Variants in PTPRM observed in about 807,000 individuals in gnomAD.
PTPRM encodes the protein protein tyrosine phosphatase receptor type M.
Under a neutral mutation model 186.7 loss-of-function variants are expected in PTPRM, and 47 were observed. The ratio of observed to expected loss-of-function variants is 0.25; its 90% CI spans 0.20 to 0.32. The LOEUF is 0.32. PTPRM is among the 10% of genes least tolerant of loss of function. The probability of loss-of-function intolerance (pLI) is 1.00; values close to 1 mark genes in which losing one functional copy is unlikely to be tolerated. For synonymous variants in PTPRM, 668 were observed against 674.9 expected (o/e 0.99, Z 0.16); for missense variants, 1,494 against 1,865.0 (o/e 0.80, Z 3.66).
At chr18:7,621,102 A>G (rs922144281) in intron 1 of PTPRM, among the ~76,000 whole-genome samples, 1 of 152,216 alleles carries the variant, frequency 6.6e-6, no homozygotes, top group African/African-American at 2.4e-5. Context: ...ATGCTGCAAT[A>G]TTCTAAGGCC....
intron 14 of PTPRM, among the ~76,000 whole-genome samples, chr18:8,212,449 A>G (rs547585226): frequency 6.6e-6 from 1 of 152,070 alleles, no homozygotes; most frequent in Admixed American, 6.5e-5. Flanking sequence ...GTGTGTGTAT[A>G]CACACACACA....
At chr18:7,948,134 C>T (rs1229131526) in intron 5 of PTPRM, among the ~76,000 whole-genome samples, 2 of 45,390 alleles carry the variant, frequency 4.4e-5, no homozygotes, top group Non-Finnish European at 5.8e-5. Flanking sequence ...ATAAAATACA[C>T]ACACACACAC....
At chr18:7,580,138 C>T (rs2036805132) in intron 1 of PTPRM, among the ~76,000 whole-genome samples, 1 of 152,184 alleles carries the variant, frequency 6.6e-6, no homozygotes. Flanking sequence ...AAGGATCTCT[C>T]CAATATCTTA....
At chr18:8,320,186 C>T (rs1028920375) in intron 22 of PTPRM, among the ~76,000 whole-genome samples, 1 of 152,174 alleles carries the variant, frequency 6.6e-6, no homozygotes, top group Non-Finnish European at 1.5e-5. Flanking sequence ...AGGATGTGAT[C>T]TGCCAAAGGT....
chr18:7,680,038 T>C (rs377271181), intron 1 of PTPRM, among the ~76,000 whole-genome samples: 5 of 152,016 alleles, frequency 3.3e-5, no homozygotes, highest in Admixed American at 2.0e-4. Context: ...GCTAATGTTT[T>C]TGGATTTTGT....
intron 4 of PTPRM, among the ~76,000 whole-genome samples, chr18:7,918,413 A>G (rs1031079783): frequency 1.3e-5 from 2 of 152,114 alleles, no homozygotes; most frequent in Non-Finnish European, 2.9e-5. Context: ...ACTCCCTGTC[A>G]TTTTGATAAA....
At chr18:7,688,359 A>G (rs2039655923) in intron 1 of PTPRM, among the ~76,000 whole-genome samples, 2 of 152,192 alleles carry the variant, frequency 1.3e-5, no homozygotes, top group Admixed American at 1.3e-4. Flanking sequence ...AACCTCTGCT[A>G]GAAGAAAGGA....
At chr18:8,310,969 A>T (rs965367769) in intron 20 of PTPRM, among the ~76,000 whole-genome samples, 2 of 152,218 alleles carry the variant, frequency 1.3e-5, no homozygotes, top group African/African-American at 4.8e-5. Context: ...TTTCTAGAAG[A>T]TGAAATAGCT....
intron 19 of PTPRM, among the ~76,000 whole-genome samples, chr18:8,258,536 C>A (rs1004242336): frequency 6.6e-6 from 1 of 152,072 alleles, no homozygotes; most frequent in Non-Finnish European, 1.5e-5. Context: ...CTTTTGCAGT[C>A]CCCAAAGGAC....
chr18:8,190,957 A>G (rs964192032), intron 14 of PTPRM, among the ~76,000 whole-genome samples: 4 of 152,218 alleles, frequency 2.6e-5, no homozygotes, highest in South Asian at 4.1e-4. Flanking sequence ...AGACTTGCAT[A>G]GGAAAGATTA....
At chr18:7,616,493 G>A (rs145107231) in intron 1 of PTPRM, among the ~76,000 whole-genome samples, 1 of 152,208 alleles carries the variant, frequency 6.6e-6, no homozygotes, top group East Asian at 1.9e-4. Flanking sequence ...CCTGACCAGG[G>A]GAGCAGCCCA....
At chr18:7,587,759 C>A (rs1462798202) in intron 1 of PTPRM, among the ~76,000 whole-genome samples, 1 of 152,130 alleles carries the variant, frequency 6.6e-6, no homozygotes, top group Non-Finnish European at 1.5e-5. Context: ...CCCAAACCCA[C>A]ATATGTATAG....
At chr18:8,275,835 A>G (rs77743267) in intron 19 of PTPRM, among the ~76,000 whole-genome samples, 1,818 of 152,198 alleles carry the variant, frequency 0.012, 31 homozygotes, top group South Asian at 0.04. Context: ...TCATTATACC[A>G]CCAGACTTTG....
At chr18:7,964,206 G>A (rs1033988092) in intron 7 of PTPRM, among the ~76,000 whole-genome samples, 6 of 152,176 alleles carry the variant, frequency 3.9e-5, no homozygotes, top group East Asian at 1.9e-4. Flanking sequence ...ATACGTATGT[G>A]TTTTAAAAGG....
At chr18:7,723,595 G>A (rs1042935801) in intron 1 of PTPRM, among the ~76,000 whole-genome samples, 5 of 152,012 alleles carry the variant, frequency 3.3e-5, no homozygotes, top group African/African-American at 9.7e-5. Context: ...GTGAATTTTC[G>A]TGCTAGAACC....
chr18:8,338,152 C>T lies in PTPRM; in HGVS notation c.2957-5271C>T, dbSNP rs115791453. Among the ~76,000 whole-genome samples the T allele has an allele frequency of 8.9e-3, 1,347 of 151,838 alleles. 6 individuals are homozygous for T. Among genetic ancestry groups the T allele is most frequent in the African/African-American group, 0.014 (585 of 41,352 alleles). On this transcript the variant is annotated intron_variant, in intron 22 of 32. Transcript: ENST00000580170. ...AGTAGTCCTACCGGGTAAGCACAGA[C>T]GCTTGGGGGCTGGCTGTGCTTGTGA...
chr18:8,367,340 G>T (rs1351408975), intron 23 of PTPRM, among the ~76,000 whole-genome samples: 1 of 152,250 alleles, frequency 6.6e-6, no homozygotes, highest in East Asian at 1.9e-4. Flanking sequence ...GCTCGGGAGG[G>T]GCCTTGCCCA....
intron 7 of PTPRM, among the ~76,000 whole-genome samples, chr18:8,058,834 A>C (rs1360926043): frequency 1.6e-5 from 1 of 63,570 alleles, no homozygotes; most frequent in African/African-American, 7.6e-5. Context: ...TGGTACCAGT[A>C]CCATGCTGTT....
chr18:8,312,328 T>G (rs574175556), intron 20 of PTPRM, among the ~76,000 whole-genome samples: 61 of 152,026 alleles, frequency 4.0e-4, no homozygotes, highest in Non-Finnish European at 2.1e-4. Flanking sequence ...GGAAAACATA[T>G]ACAGGGAGCC....
Sources: gnomAD v4.1 joint callset for allele counts (sites outside exome capture counted in the v4.1 genomes callset) on GRCh38, gnomAD v4.1.1 for gene constraint, MANE v1.5 for transcripts, NCBI Gene and HGNC (gene_info 2026-07-23, HGNC 2026-07-21) for gene names.